Variants in ARL10 observed in about 807,000 individuals in gnomAD.
The protein encoded by ARL10 is ARF like GTPase 10.
Under a neutral mutation model 26.1 loss-of-function variants are expected in ARL10, and 23 were observed. That is an observed-to-expected ratio of 0.88 (90% CI 0.63 to 1.25). The LOEUF (loss-of-function observed/expected upper bound fraction) is 1.25, where lower values mean the gene tolerates loss of function less well. ARL10 is among the 50% of genes most tolerant of loss of function. The probability of loss-of-function intolerance (pLI) is 0.00; values close to 1 mark genes in which losing one functional copy is unlikely to be tolerated. For synonymous variants in ARL10, 138 were observed against 149.1 expected, an observed-to-expected ratio of 0.93 and a Z score of 0.54; for missense variants, 300 against 323.6, an observed-to-expected ratio of 0.93 and a Z score of 0.56.
At chr5:176,392,193 A>C (rs1342308730), downstream of ARL10, among the ~76,000 whole-genome samples, 1 of 152,196 alleles carries the variant, frequency 6.6e-6, no homozygotes, top group Non-Finnish European at 1.5e-5. The surrounding 1 kb of genome is among the most constrained non-coding windows in gnomAD (Gnocchi z 5.2). Context: ...TTTCCCTCCC[A>C]CTACAAGCCA....
intron 1 of ARL10, 136 bp downstream of exon 1, chr5:176,365,882 C>A: frequency 1.0e-6 from 1 of 968,162 alleles, no homozygotes; most frequent in Non-Finnish European, 1.3e-6. Flanking sequence ...GCAGCCGCAG[C>A]GCACAGGCCC....
downstream of ARL10, chr5:176,405,684 G>C (rs1159297632): frequency 6.6e-6 from 1 of 152,022 alleles, no homozygotes; most frequent in Non-Finnish European, 1.5e-5. Context: ...ACAAGTAGCT[G>C]GGTACACAGG....
the ARL10 span, among the ~76,000 whole-genome samples, chr5:176,407,119 C>G: frequency 1.3e-5 from 2 of 152,160 alleles, no homozygotes; most frequent in African/African-American, 2.4e-5. Context: ...AGGCCCCGGG[C>G]TCCTCAGATT....
chr5:176,371,248 A>T lies in ARL10; in HGVS notation c.562-474A>T, dbSNP rs555373799. ...AAATTAGCCAGGCGTGGTGGCTCAC[A>T]CCTGTAGTCCCAGCTACTAGGGAGG... is the stretch of plus-strand genomic sequence containing the variant. On this transcript the variant is annotated intron_variant, in intron 3 of 3. Coordinates refer to ENST00000310389, the MANE Select transcript of ARL10 (RefSeq NM_173664.6). Among the ~76,000 whole-genome samples the T allele has an allele frequency of 7.9e-5, 12 of 152,136 alleles. No homozygotes were observed. In the East Asian group the frequency reaches 1.9e-3, roughly 25 times the overall value.
At chr5:176,406,663 G>C (rs1211448323), downstream of ARL10, 1 of 1,289,284 alleles carries the variant, frequency 7.8e-7, no homozygotes, top group South Asian at 1.2e-5. Flanking sequence ...TCCTTAGGCT[G>C]TATTGGCAAC....
intron 1 of ARL10, among the ~76,000 whole-genome samples, chr5:176,398,779 G>A (rs1001719202): frequency 1.2e-4 from 19 of 152,014 alleles, no homozygotes; most frequent in African/African-American, 2.4e-4. Flanking sequence ...TTGTGTTACC[G>A]TCATTAAAAT....
At chr5:176,393,196 T>C (rs1192890761), downstream of ARL10, among the ~76,000 whole-genome samples, 1 of 152,154 alleles carries the variant, frequency 6.6e-6, no homozygotes. The surrounding 1 kb of genome is among the most constrained non-coding windows in gnomAD (Gnocchi z 4.4). Context: ...TTGCTGCTTC[T>C]TGTCATTCAG....
downstream of ARL10, chr5:176,392,613 G>C: frequency 1.4e-6 from 1 of 720,838 alleles, no homozygotes. This position sits in a 1 kb window ranked among gnomAD's most constrained non-coding sequence, Gnocchi z 5.2. Context: ...GAGGGAGCGA[G>C]GCGTGATGGG....
downstream of ARL10, chr5:176,389,112 C>A: frequency 3.3e-6 from 4 of 1,221,486 alleles, no homozygotes; most frequent in Non-Finnish European, 4.6e-6. Flanking sequence ...CGGTGAGGGG[C>A]GAAACTGATT....
downstream of ARL10, among the ~76,000 whole-genome samples, chr5:176,390,991 T>A (rs1756249203): frequency 6.6e-6 from 1 of 152,152 alleles, no homozygotes; most frequent in Non-Finnish European, 1.5e-5. Context: ...AATGTTGGAT[T>A]TGAGGACCTG....
chr5:176,395,631 A>G (rs1756484143), intron 1 of ARL10, among the ~76,000 whole-genome samples: 1 of 152,108 alleles, frequency 6.6e-6, no homozygotes, highest in African/African-American at 2.4e-5. Context: ...ACGAGATATA[A>G]CCTGTTTGCC....
chr5:176,401,967 C>G (rs1044200988), downstream of ARL10: 7 of 338,698 alleles, frequency 2.1e-5, no homozygotes, highest in Non-Finnish European at 3.5e-5. Context: ...CCCGAATGAC[C>G]TATTCGGAGT....
intron 2 of ARL10, 123 bp downstream of exon 2, chr5:176,366,704 C>T (rs1226698677): frequency 7.5e-6 from 9 of 1,198,660 alleles, no homozygotes; most frequent in African/African-American, 1.5e-5. Flanking sequence ...GAATCCTTCC[C>T]ACCGCTCTCC....
downstream of ARL10, among the ~76,000 whole-genome samples, chr5:176,402,647 G>A (rs1756883913): frequency 6.6e-6 from 1 of 152,206 alleles, no homozygotes; most frequent in Non-Finnish European, 1.5e-5. Context: ...GGAGGGCCTG[G>A]CTGCAGGAAC....
At chr5:176,411,932 T>G in the ARL10 span, among the ~76,000 whole-genome samples, 2 of 151,970 alleles carry the variant, frequency 1.3e-5, no homozygotes, top group South Asian at 4.1e-4. Context: ...ATCCCAGCAC[T>G]TTGGGAGGCT....
the ARL10 span, among the ~76,000 whole-genome samples, chr5:176,411,510 A>T: frequency 3.6e-3 from 553 of 152,072 alleles, 13 homozygotes; most frequent in Admixed American, 0.034. Flanking sequence ...CCACACCCCC[A>T]TCCACCCCTT....
chr5:176,404,371 G>C (rs923567593), downstream of ARL10, among the ~76,000 whole-genome samples: 2 of 152,246 alleles, frequency 1.3e-5, no homozygotes, highest in African/African-American at 2.4e-5. Flanking sequence ...TGTGAGAAGC[G>C]TCCGGGGCTG....
rs761339379 is a variant in ARL10, at chr5:176,369,128, T to C, written c.561+146T>C. The stretch of plus-strand genomic sequence containing the variant: ...CTCTTCTACCTATGCCCTGTCCTGA[T>C]CCCTGCCTCTGTCTTCCTTCCTCTT... On this transcript the variant is annotated intron_variant, in intron 3 of 3. Transcript: ENST00000310389. 41 of 1,535,532 alleles carry C rather than the reference T, an allele frequency of 2.7e-5. No individual in the cohort carries two copies. The South Asian group carries it at 4.4e-4, about 17-fold the overall frequency.
downstream of ARL10, chr5:176,384,472 A>G (rs1755673952): frequency 2.1e-5 from 26 of 1,247,008 alleles, no homozygotes; most frequent in Non-Finnish European, 2.7e-5. Context: ...TCTATCCCTG[A>G]GGTCCAGAAT....
Sources: gnomAD v4.1 joint callset for allele counts (sites outside exome capture counted in the v4.1 genomes callset) on GRCh38, gnomAD v4.1.1 for gene constraint, Gnocchi (gnomAD v3.1) non-coding constraint, MANE v1.5 for transcripts, NCBI Gene and HGNC (gene_info 2026-07-23, HGNC 2026-07-21) for gene names.